Variants in PPL observed in about 807,000 individuals in gnomAD.
PPL encodes periplakin, also known as 190 kDa paraneoplastic pemphigus antigen.
Under a neutral mutation model 194.4 loss-of-function variants are expected in PPL, and 198 were observed. The observed-to-expected ratio is 1.02, with a 90% CI of 0.91 to 1.15. PPL has a LOEUF of 1.15. Among genes scored for constraint, PPL ranks in the 50% most tolerant of loss-of-function variants. The probability of loss-of-function intolerance (pLI) is 0.00; values close to 1 mark genes in which losing one functional copy is unlikely to be tolerated. For missense variants in PPL, 2,885 were observed against 2,294.8 expected (o/e 1.26, Z -5.25); for synonymous variants, 1,220 against 972.4 (o/e 1.25, Z -4.74).
In PPL at chr16:4,883,764, G is replaced by A. The variant is rs758745160; in HGVS notation, c.4891C>T (p.Leu1631Phe). The A allele has an allele frequency of 1.3e-5, 21 of 1,613,980 alleles. No individual in the cohort carries two copies. The Middle Eastern group carries it at 9.9e-4, about 76-fold the overall frequency. The change falls in exon 22 of 22, where the codon CTC becomes TTC. Residue 1631 changes from leucine (L) to phenylalanine (F), a missense_variant. Coordinates refer to ENST00000345988, the MANE Select transcript of PPL (RefSeq NM_002705.5). This position sits in a 1 kb window ranked among gnomAD's most constrained non-coding sequence, Gnocchi z 4.8. ...DLKRLSKDKD[L>F]EIDELQKRLG... ...CGCTTCTGCAGCTCGTCGATCTCGA[G>A]GTCTTTGTCCTTGGAGAGCCTCTTG...
chr16:4,925,621 G>C (rs2089142025), intron 1 of PPL, among the ~76,000 whole-genome samples: 1 of 152,170 alleles, frequency 6.6e-6, no homozygotes, highest in East Asian at 1.9e-4. Context: ...AATAGGTGTT[G>C]AACTGAGCAG....
chr16:4,904,183 G>C, intron 2 of PPL, 143 bp from the exon 3 acceptor site: 2 of 865,398 alleles, frequency 2.3e-6, no homozygotes, highest in East Asian at 2.7e-5. Context: ...TCCATATGGA[G>C]CGCAGTCGGT....
chr16:4,927,438 CT>C (rs1334126818), intron 1 of PPL, among the ~76,000 whole-genome samples: 3 of 152,344 alleles, frequency 2.0e-5, no homozygotes, highest in Admixed American at 6.5e-5. Context: ...CTCTGACATG[CT>C]GTTCAAAACT....
At chr16:4,919,725 T>C (rs1247935716) in intron 1 of PPL, among the ~76,000 whole-genome samples, 3 of 150,664 alleles carry the variant, frequency 2.0e-5, no homozygotes, top group African/African-American at 7.3e-5. Flanking sequence ...AGCCTAGGAG[T>C]TCGAGACCAA....
intron 2 of PPL, among the ~76,000 whole-genome samples, chr16:4,909,219 G>C (rs974188160): frequency 3.9e-5 from 6 of 152,134 alleles, no homozygotes; most frequent in African/African-American, 1.4e-4. Flanking sequence ...ACACCCCCGT[G>C]GACTGTGCCC....
Position 4,893,355 on chromosome 16 carries a change from T to G in PPL, c.1508A>C (p.Gln503Pro), listed in dbSNP as rs747824896. The G allele has an allele frequency of 1.2e-6, 2 of 1,607,310 alleles. No individual in the cohort carries two copies. The highest frequency in any genetic ancestry group is 1.7e-6 in the Non-Finnish European group (2 of 1,179,786). ...TENPGDASDL[Q>P]GRQLLAGLDK... ...CAAGCCAGCCAGCAGCTGCCGCCCC[T>G]GTAGGTCAGAGGCATCTGTGGAGGG... is the stretch of plus-strand genomic sequence containing the variant. Residue 503 changes from glutamine to proline, a missense_variant, in exon 14 of 22, where the codon CAG (glutamine) becomes CCG (proline). Physicochemically the swap from Gln to Pro is moderately conservative, Grantham distance 76. Transcript: ENST00000345988.
At chr16:4,933,224 G>C (rs748663043) in intron 1 of PPL, among the ~76,000 whole-genome samples, 28 of 152,026 alleles carry the variant, frequency 1.8e-4, no homozygotes, top group Non-Finnish European at 2.6e-4. Context: ...GTGCCTCCCA[G>C]TAGAGCATGC....
intron 17 of PPL, 39 bp from the exon 18 acceptor site, chr16:4,890,373 CAG>C: frequency 1.3e-6 from 2 of 1,548,540 alleles, no homozygotes; most frequent in Non-Finnish European, 8.7e-7. Context: ...CCACAGCAAA[CAG>C]ATGCCTCACC....
intron 1 of PPL, among the ~76,000 whole-genome samples, chr16:4,925,868 T>A (rs1479632563): frequency 6.6e-6 from 1 of 152,212 alleles, no homozygotes; most frequent in Non-Finnish European, 1.5e-5. Context: ...AGAGACAGGA[T>A]GATGGGACCA....
chr16:4,910,728 G>T, intron 2 of PPL, 122 bp downstream of exon 2: 2 of 869,890 alleles, frequency 2.3e-6, no homozygotes, highest in Non-Finnish European at 3.8e-6. Flanking sequence ...AAATGTCTCT[G>T]CATGTTCCCT....
intron 8 of PPL, among the ~76,000 whole-genome samples, chr16:4,898,405 T>A (rs1019483740): frequency 2.0e-5 from 3 of 151,588 alleles, no homozygotes; most frequent in African/African-American, 7.3e-5. Flanking sequence ...ATTGTGGGGG[T>A]TGGGAAGAAT....
chr16:4,884,697 T>C lies in PPL; in HGVS notation c.3958A>G (p.Lys1320Glu), dbSNP rs1567983639. 2.5e-6 allele frequency: 4 copies of C among 1,614,026 alleles called. No homozygotes were observed. Among genetic ancestry groups the C allele is most frequent in the Non-Finnish European group, 2.5e-6 (3 of 1,180,042 alleles). ...TCCCTCTCCAGATCCACTTGTTTCT[T>C]CTGCTCCTCTGAGAGCTTTGCCCTC... ...SLRAKLSEEQ[K>E]KQVDLERERA... Residue 1320 changes from lysine to glutamate, a missense_variant, in exon 22 of 22, where the codon AAG becomes GAG. Transcript: ENST00000345988. This position sits in a 1 kb window ranked among gnomAD's most constrained non-coding sequence, Gnocchi z 5.7.
intron 3 of PPL, among the ~76,000 whole-genome samples, chr16:4,903,509 C>T (rs958388496): frequency 5.5e-4 from 84 of 152,220 alleles, no homozygotes; most frequent in African/African-American, 2.0e-3. Context: ...CACCTAAGGT[C>T]TGGAGTTTGA....
At chr16:4,936,953 T>A in intron 1 of PPL, 31 bp downstream of exon 1, 1 of 1,576,600 alleles carries the variant, frequency 6.3e-7, no homozygotes, top group Non-Finnish European at 8.6e-7. Flanking sequence ...GGCAAGAGCG[T>A]CCCGGAGCGG....
chr16:4,901,363 G>T (rs537650173), intron 4 of PPL, among the ~76,000 whole-genome samples: 1 of 152,220 alleles, frequency 6.6e-6, no homozygotes, highest in African/African-American at 2.4e-5. Flanking sequence ...CTGAATGAGG[G>T]CCAGTCACCT....
At chr16:4,890,104 G>C in intron 18 of PPL, 80 bp downstream of exon 18, 1 of 1,603,432 alleles carries the variant, frequency 6.2e-7, no homozygotes, top group East Asian at 2.2e-5. Context: ...CCAAAGGCTT[G>C]GCTCCCCAGA....
rs745762506 is a variant in PPL, at chr16:4,887,125, G to A, written c.2607+10C>T. ...AGCCTGAAGTAGAATTTCTTACTAA[G>A]ATCAGTTACCTGTCTGAGGAGATTC... On this transcript the variant is annotated intron_variant, in intron 21 of 21. Transcript: ENST00000345988. 3.1e-6 allele frequency: 5 copies of A among 1,597,828 alleles called. No individual in the cohort carries two copies. In the South Asian group the frequency reaches 5.5e-5, roughly 18 times the overall value.
At chr16:4,925,966 G>C (rs1238969864) in intron 1 of PPL, among the ~76,000 whole-genome samples, 7 of 152,180 alleles carry the variant, frequency 4.6e-5, no homozygotes, top group Non-Finnish European at 1.0e-4. Flanking sequence ...GTTGGGTAAG[G>C]ATTAGTGATG....
chr16:4,923,114 T>A (rs1279469464), intron 1 of PPL, among the ~76,000 whole-genome samples: 1 of 152,138 alleles, frequency 6.6e-6, no homozygotes, highest in East Asian at 1.9e-4. Context: ...TCCGTCCGCA[T>A]AAGGGAAACT....
Sources: gnomAD v4.1 joint callset for allele counts (sites outside exome capture counted in the v4.1 genomes callset) on GRCh38, gnomAD v4.1.1 for gene constraint, Gnocchi (gnomAD v3.1) non-coding constraint, MANE v1.5 for transcripts, NCBI Gene and HGNC (gene_info 2026-07-23, HGNC 2026-07-21) for gene names.